Variants in SLC12A2 observed in about 807,000 individuals in gnomAD.
SLC12A2 encodes solute carrier family 12 member 2.
A neutral mutation model predicts 136.3 loss-of-function variants in SLC12A2; 67 were observed. The ratio of observed to expected loss-of-function variants is 0.49; its 90% CI spans 0.40 to 0.60. The LOEUF (loss-of-function observed/expected upper bound fraction) is 0.60. SLC12A2 is among the 20% of genes least tolerant of loss of function. SLC12A2 has a pLI of 0.00. For missense variants in SLC12A2, 1,322 were observed against 1,534.7 expected (o/e 0.86, Z 2.32); for synonymous variants, 619 against 562.9 (o/e 1.10, Z -1.41).
intron 4 of SLC12A2, among the ~76,000 whole-genome samples, chr5:128,130,810 GAT>G (rs1474168575): frequency 6.6e-6 from 1 of 152,150 alleles, no homozygotes; most frequent in Admixed American, 6.5e-5. Flanking sequence ...AACTTTAAAA[GAT>G]AAAATGGGAA....
chr5:128,148,350 T>C (rs765374811), intron 11 of SLC12A2, among the ~76,000 whole-genome samples: 1 of 151,844 alleles, frequency 6.6e-6, no homozygotes, highest in African/African-American at 2.4e-5. Flanking sequence ...AGACAGACTT[T>C]AGTAATGTTT....
intron 11 of SLC12A2, 152 bp from the exon 12 acceptor site, chr5:128,148,602 C>T (rs112449954): frequency 3.9e-5 from 20 of 515,592 alleles, no homozygotes; most frequent in African/African-American, 2.2e-4. Flanking sequence ...ATTTCCTTTA[C>T]ATTTTGTAGG....
chr5:128,135,736 A>C lies in SLC12A2; in HGVS notation c.1336A>C (p.Ile446Leu), dbSNP rs749800306. Residue 446 changes from isoleucine (I) to leucine (L), a missense_variant, in exon 7 of 27, where the codon ATT becomes CTT. Coordinates refer to ENST00000262461, the MANE Select transcript of SLC12A2 (RefSeq NM_001046.3). ...IVLLVILLLA[I>L]GDFVIGTFIP... ...TCTTTTGGTGATCCTACTTCTTGCTATTGGTGATTTCGTCATAGGAACATT... is the reference window on the plus strand; with the variant it reads ...TCTTTTGGTGATCCTACTTCTTGCTCTTGGTGATTTCGTCATAGGAACATT... 4 of 1,612,344 alleles carry C rather than the reference A, an allele frequency of 2.5e-6. No individual in the cohort carries two copies. The highest frequency in any genetic ancestry group is 3.4e-6 in the Non-Finnish European group (4 of 1,178,698).
chr5:128,085,478 A>G (rs373604947), intron 1 of SLC12A2, among the ~76,000 whole-genome samples: 55 of 152,338 alleles, frequency 3.6e-4, no homozygotes, highest in African/African-American at 1.3e-3. Context: ...ACAGAAAACC[A>G]TCCCCATAAA....
At chr5:128,114,161 T>C in intron 2 of SLC12A2, 51 bp from the exon 3 acceptor site, 1 of 1,281,884 alleles carries the variant, frequency 7.8e-7, no homozygotes, top group Non-Finnish European at 1.1e-6. Flanking sequence ...TACTATATAA[T>C]GTTTGATTAT....
chr5:128,165,752 ATTG>A (rs1320636407), intron 17 of SLC12A2, among the ~76,000 whole-genome samples: 1 of 152,124 alleles, frequency 6.6e-6, no homozygotes, highest in African/African-American at 2.4e-5. Flanking sequence ...GCAAGTTGTT[ATTG>A]TTAACTTTAT....
intron 4 of SLC12A2, among the ~76,000 whole-genome samples, chr5:128,119,419 T>C (rs1246910047): frequency 6.6e-6 from 1 of 152,210 alleles, no homozygotes; most frequent in Non-Finnish European, 1.5e-5. Flanking sequence ...TAATGTTAAC[T>C]AGTTTCAGCT....
chr5:128,180,855 A>C, intron 22 of SLC12A2, 28 bp from the exon 23 acceptor site: 1 of 1,302,084 alleles, frequency 7.7e-7, no homozygotes, highest in Non-Finnish European at 1.1e-6. Flanking sequence ...GCATTTAGTA[A>C]ATGATTTATT....
Position 128,177,401 on chromosome 5 carries a change from CG to C in SLC12A2, c.2977+251del. On this transcript the variant is annotated intron_variant, in intron 21 of 26. Coordinates refer to ENST00000262461, the MANE Select transcript of SLC12A2 (RefSeq NM_001046.3). ...TTCTGAAATATTAGACCCAGACAGC[CG>C]GTATTAATTTTTTTTAATTTAAACT... 3 of 293,200 alleles carry C rather than the reference CG, an allele frequency of 1.0e-5. No homozygotes were observed. In the South Asian group the frequency reaches 2.0e-4, roughly 20 times the overall value. The allele number at this position is 293,200 out of a possible 1,614,324, so 18.2% of individuals were successfully genotyped here.
At chr5:128,089,112 G>A (rs1760210255) in intron 1 of SLC12A2, among the ~76,000 whole-genome samples, 1 of 150,462 alleles carries the variant, frequency 6.6e-6, no homozygotes, top group Non-Finnish European at 1.5e-5. Context: ...AGATTGCAGT[G>A]AGCCAAGATT....
chr5:128,172,123 T>C (rs951936534), intron 19 of SLC12A2, among the ~76,000 whole-genome samples: 1 of 152,250 alleles, frequency 6.6e-6, no homozygotes, highest in Non-Finnish European at 1.5e-5. Flanking sequence ...GTATGCTTTG[T>C]ACAGAGTCAT....
chr5:128,178,426 T>C, intron 21 of SLC12A2, 141 bp from the exon 22 acceptor site: 1 of 477,798 alleles, frequency 2.1e-6, no homozygotes, highest in Non-Finnish European at 3.5e-6. Context: ...TGAAAGTTTA[T>C]GGTAGATGCC....
chr5:128,084,207 C>T lies in SLC12A2; in HGVS notation c.253C>T (p.Leu85=), dbSNP rs1039413764. ...TPSQSRFQVD[L]VSENAGRAAA... Reference sequence around the variant, plus strand: ...GAGCCAGAGCCGTTTCCAGGTGGACCTGGTTTCCGAGAACGCCGGGCGGGC... The same window carrying T: ...GAGCCAGAGCCGTTTCCAGGTGGACTTGGTTTCCGAGAACGCCGGGCGGGC... Residue 85 remains leucine (L), a synonymous_variant, in exon 1 of 27, where the codon CTG becomes TTG. Transcript: ENST00000262461. This position sits in a 1 kb window ranked among gnomAD's most constrained non-coding sequence, Gnocchi z 5.6. 8 of 1,286,476 alleles carry T rather than the reference C, an allele frequency of 6.2e-6. No individual in the cohort carries two copies. The highest frequency in any genetic ancestry group is 3.3e-5 in the East Asian group (1 of 30,604). 79.7% of individuals were successfully genotyped at this position (1,286,476 alleles called of 1,614,324 possible).
chr5:128,096,917 G>A (rs1245602350), intron 1 of SLC12A2, among the ~76,000 whole-genome samples: 2 of 151,964 alleles, frequency 1.3e-5, no homozygotes, highest in Non-Finnish European at 2.9e-5. Flanking sequence ...TCAGAAAATA[G>A]CAGTCTGTAA....
intron 25 of SLC12A2, 51 bp downstream of exon 25, chr5:128,184,552 G>T: frequency 6.9e-7 from 1 of 1,457,200 alleles, no homozygotes; most frequent in Non-Finnish European, 9.2e-7. Context: ...TAAAAGACAT[G>T]AAAACCAAGA....
Position 128,084,596 on chromosome 5 carries a change from C to T in SLC12A2, c.642C>T (p.Gly214=). 1 of 1,613,678 alleles carries T rather than the reference C, an allele frequency of 6.2e-7. No homozygotes were observed. Among genetic ancestry groups the T allele is most frequent in the Non-Finnish European group, 8.5e-7 (1 of 1,179,988 alleles). Residue 214 remains glycine (G), a synonymous_variant, in exon 1 of 27, where the codon GGC becomes GGT. Coordinates refer to ENST00000262461, the MANE Select transcript of SLC12A2 (RefSeq NM_001046.3). The surrounding 1 kb of genome is among the most constrained non-coding windows in gnomAD (Gnocchi z 5.6). ...ACACCTACTACCTGCGCACCTTCGG[C>T]CACAACACCATGGACGCTGTGCCCA... ...HTNTYYLRTF[G]HNTMDAVPRI...
chr5:128,167,435 T>C (rs1021970321), intron 17 of SLC12A2, among the ~76,000 whole-genome samples: 4 of 152,150 alleles, frequency 2.6e-5, no homozygotes, highest in African/African-American at 9.7e-5. Flanking sequence ...AGAATGCCAC[T>C]GTATTATAAT....
chr5:128,144,306 G>A (rs575648883), intron 10 of SLC12A2, among the ~76,000 whole-genome samples: 2 of 152,210 alleles, frequency 1.3e-5, no homozygotes, highest in East Asian at 1.9e-4. Context: ...TTTGTAAAGC[G>A]ATACAACATG....
Position 128,141,960 on chromosome 5 carries a change from T to C in SLC12A2, c.1752T>C (p.Tyr584=), listed in dbSNP as rs1311648403. 6.2e-7 allele frequency: 1 copy of C among 1,613,926 alleles called. No homozygotes were observed. Among genetic ancestry groups the C allele is most frequent in the South Asian group, 1.1e-5 (1 of 91,060 alleles). ...FSSCESSPCS[Y]GLMNNFQVMS... ...CTTGTGAAAGCAGTCCTTGTTCCTA[T>C]GGCCTAATGAACAACTTCCAGGTGA... The change falls in exon 10 of 27, where the codon TAT becomes TAC. Residue 584 remains tyrosine (Y), a synonymous_variant. Coordinates refer to ENST00000262461, the MANE Select transcript of SLC12A2 (RefSeq NM_001046.3).
Sources: allele counts gnomAD v4.1 joint callset (sites outside exome capture counted in the v4.1 genomes callset), GRCh38; gene constraint gnomAD v4.1.1; non-coding constraint Gnocchi (gnomAD v3.1); transcripts MANE v1.5; gene names NCBI Gene and HGNC (gene_info 2026-07-23, HGNC 2026-07-21).